NAALADL2: variants seen among roughly 807,000 people sequenced by gnomAD.
NAALADL2 encodes the protein N-acetylated alpha-linked acidic dipeptidase like 2.
Under a neutral mutation model 87.2 loss-of-function variants are expected in NAALADL2, and 76 were observed. The ratio of observed to expected loss-of-function variants is 0.87; its 90% CI spans 0.72 to 1.05. The LOEUF (loss-of-function observed/expected upper bound fraction) is 1.05, where lower values mean the gene tolerates loss of function less well. Ranked by LOEUF, NAALADL2 falls within the 50% of genes least tolerant of loss-of-function variation. The pLI is 0.00. For synonymous variants in NAALADL2, 354 were observed against 331.0 expected (o/e 1.07, Z -0.75); for missense variants, 1,089 against 945.8 (o/e 1.15, Z -1.99).
At chr3:175,652,671 G>T (rs1176135644) in intron 11 of NAALADL2, among the ~76,000 whole-genome samples, 1 of 151,738 alleles carries the variant, frequency 6.6e-6, no homozygotes, top group Non-Finnish European at 1.5e-5. Flanking sequence ...GTAGAAACGG[G>T]GTTTCACCAT....
intron 5 of NAALADL2, among the ~76,000 whole-genome samples, chr3:175,390,543 T>C (rs530861438): frequency 6.6e-6 from 1 of 151,888 alleles, no homozygotes; most frequent in East Asian, 1.9e-4. Flanking sequence ...AAGGGGAAAA[T>C]GGTTTTGAGC....
intron 1 of NAALADL2, among the ~76,000 whole-genome samples, chr3:174,978,233 G>T (rs1312371623): frequency 1.3e-5 from 2 of 152,176 alleles, no homozygotes; most frequent in Non-Finnish European, 2.9e-5. Flanking sequence ...TAGAAAACAT[G>T]GTGGAGTTGA....
At chr3:174,802,099 T>G (rs951186488) in intron 3 of NAALADL2, among the ~76,000 whole-genome samples, 4 of 152,032 alleles carry the variant, frequency 2.6e-5, no homozygotes, top group Non-Finnish European at 5.9e-5. Context: ...TCAGTCTATG[T>G]CCACACTTAT....
chr3:174,988,709 C>G (rs1746310656), intron 1 of NAALADL2, among the ~76,000 whole-genome samples: 1 of 152,114 alleles, frequency 6.6e-6, no homozygotes, highest in African/African-American at 2.4e-5. Flanking sequence ...ACATAGTGTT[C>G]TCCTGTGTGC....
At chr3:175,322,909 C>T (rs1760104134) in intron 4 of NAALADL2, among the ~76,000 whole-genome samples, 1 of 151,356 alleles carries the variant, frequency 6.6e-6, no homozygotes, top group African/African-American at 2.4e-5. Context: ...ACTAGTTCAA[C>T]CATTGTGGAA....
At chr3:175,386,214 TGATA>T (rs1768359635) in intron 5 of NAALADL2, among the ~76,000 whole-genome samples, 1 of 138,928 alleles carries the variant, frequency 7.2e-6, no homozygotes, top group South Asian at 2.4e-4. Flanking sequence ...TGAATTTGGT[TGATA>T]GATCATCTTT....
At chr3:175,781,691 T>A (rs1751114097) in intron 13 of NAALADL2, among the ~76,000 whole-genome samples, 1 of 151,554 alleles carries the variant, frequency 6.6e-6, no homozygotes, top group African/African-American at 2.4e-5. Flanking sequence ...TAAAAAAAAA[T>A]TAACATAACG....
chr3:175,338,977 G>A (rs889933544), intron 5 of NAALADL2, among the ~76,000 whole-genome samples: 5 of 152,168 alleles, frequency 3.3e-5, no homozygotes, highest in African/African-American at 1.2e-4. Context: ...TTGAAGAGCA[G>A]CAATTAGAAA....
intron 1 of NAALADL2, among the ~76,000 whole-genome samples, chr3:175,088,064 T>C (rs1422545445): frequency 2.0e-5 from 3 of 152,156 alleles, no homozygotes; most frequent in Non-Finnish European, 2.9e-5. Context: ...CTTAAACTAT[T>C]TTTTAGATAT....
intron 2 of NAALADL2, among the ~76,000 whole-genome samples, chr3:174,671,580 A>G (rs1046917167): frequency 3.7e-4 from 56 of 152,214 alleles, no homozygotes; most frequent in Admixed American, 1.6e-3. Flanking sequence ...AGGCACAATG[A>G]TGTGATGAAT....
chr3:175,237,543 G>T (rs1746111653), intron 3 of NAALADL2, among the ~76,000 whole-genome samples: 1 of 151,956 alleles, frequency 6.6e-6, no homozygotes, highest in Non-Finnish European at 1.5e-5. Flanking sequence ...TCAGCATTTT[G>T]GTTATATGTT....
At chr3:175,207,352 G>T (rs754904055) in intron 2 of NAALADL2, among the ~76,000 whole-genome samples, 43 of 151,882 alleles carry the variant, frequency 2.8e-4, no homozygotes, top group Non-Finnish European at 5.4e-4. Context: ...TAAAAAAAAA[G>T]AGATTAAAAC....
At chr3:175,791,928 C>A (rs1204064153) in intron 13 of NAALADL2, among the ~76,000 whole-genome samples, 3 of 149,630 alleles carry the variant, frequency 2.0e-5, no homozygotes, top group African/African-American at 7.4e-5. Context: ...AAAAAACAAC[C>A]CTGATATTTC....
intron 1 of NAALADL2, among the ~76,000 whole-genome samples, chr3:175,067,167 T>C (rs1559982125): frequency 6.6e-6 from 1 of 152,118 alleles, no homozygotes; most frequent in Admixed American, 6.6e-5. Context: ...GAGACACCAT[T>C]CTGGACGTGG....
intron 11 of NAALADL2, among the ~76,000 whole-genome samples, chr3:175,667,126 AAAAAG>A (rs1733115908): frequency 6.7e-6 from 1 of 148,602 alleles, no homozygotes; most frequent in African/African-American, 2.5e-5. Context: ...AGAGAGAGAG[AAAAAG>A]AAAGAAAGAA....
intron 1 of NAALADL2, among the ~76,000 whole-genome samples, chr3:174,465,621 T>C (rs1716487914): frequency 6.6e-6 from 1 of 152,204 alleles, no homozygotes; most frequent in Non-Finnish European, 1.5e-5. Context: ...AGCATAAAAA[T>C]AAGATGTTTG....
chr3:174,651,036 A>G (rs1724301345), intron 2 of NAALADL2, among the ~76,000 whole-genome samples: 1 of 152,138 alleles, frequency 6.6e-6, no homozygotes, highest in Admixed American at 6.5e-5. Context: ...CCTTCAGGAA[A>G]AAAATGATAC....
chr3:175,737,580 C>T (rs1219060213), intron 12 of NAALADL2, among the ~76,000 whole-genome samples, 181 bp downstream of exon 12: 1 of 152,074 alleles, frequency 6.6e-6, no homozygotes, highest in Non-Finnish European at 1.5e-5. Flanking sequence ...AAATGAGATG[C>T]ACGGATGTGT....
intron 1 of NAALADL2, among the ~76,000 whole-genome samples, chr3:174,465,188 GT>G (rs1300915520): frequency 4.6e-5 from 7 of 152,032 alleles, no homozygotes; most frequent in Non-Finnish European, 7.4e-5. Flanking sequence ...TTCTCTGTGT[GT>G]GTGTTCATTT....
Sources: gnomAD v4.1 joint callset for allele counts (sites outside exome capture counted in the v4.1 genomes callset) on GRCh38, gnomAD v4.1.1 for gene constraint, MANE v1.5 for transcripts, NCBI Gene and HGNC (gene_info 2026-07-23, HGNC 2026-07-21) for gene names.